TAFA1: variants seen among roughly 807,000 people sequenced by gnomAD.
TAFA1 encodes the protein TAFA chemokine like family member 1.
TAFA1 carries 4 observed loss-of-function variants against 18.5 expected under a neutral mutation model. The ratio of observed to expected loss-of-function variants is 0.22; its 90% CI spans 0.11 to 0.49. The LOEUF is 0.49. Among genes scored for constraint, TAFA1 ranks in the 20% least tolerant of loss-of-function variants. The pLI, the probability that TAFA1 is intolerant of heterozygous loss-of-function variation, is 0.98. For missense variants in TAFA1, 147 were observed against 169.0 expected (o/e 0.87, Z 0.72); for synonymous variants, 56 against 55.2 (o/e 1.01, Z -0.06).
intron 2 of TAFA1, among the ~76,000 whole-genome samples, chr3:68,275,964 C>A (rs2067788438): frequency 6.6e-6 from 1 of 152,188 alleles, no homozygotes; most frequent in South Asian, 2.1e-4. Context: ...CATGTCTTCC[C>A]ACTTATTTCT....
intron 2 of TAFA1, among the ~76,000 whole-genome samples, chr3:68,187,405 T>C (rs1241101537): frequency 6.6e-6 from 1 of 152,024 alleles, no homozygotes; most frequent in African/African-American, 2.4e-5. Flanking sequence ...GGTATGATTC[T>C]GTTTAACTCT....
chr3:68,145,617 C>T (rs2065729972), intron 2 of TAFA1: 2 of 1,448,288 alleles, frequency 1.4e-6, no homozygotes, highest in South Asian at 1.1e-5. Context: ...GATTATGTGG[C>T]TTTCCTTGAA....
chr3:68,381,264 G>A (rs2069946940), intron 2 of TAFA1, among the ~76,000 whole-genome samples: 1 of 151,296 alleles, frequency 6.6e-6, no homozygotes, highest in African/African-American at 2.4e-5. Context: ...CTCTTTTTTG[G>A]TTCCATATGA....
rs62249394 is a variant in TAFA1 at position 68,030,251 on chromosome 3, G to A, written c.118+23507G>A. ...GCTTTAAAAATTTTTCTTTTCACCA[G>A]CACACACTTGATGGATTTTTTTTTT... On this transcript the variant is annotated intron_variant, in intron 2 of 4. Coordinates refer to ENST00000478136, the MANE Select transcript of TAFA1 (RefSeq NM_213609.4). Among the ~76,000 whole-genome samples the A allele has an allele frequency of 7.9e-3, 1,194 of 151,942 alleles. 7 individuals carry two copies. Among genetic ancestry groups the A allele is most frequent in the Non-Finnish European group, 0.014 (921 of 67,964 alleles).
At chr3:68,508,597 A>C (rs970434331) in intron 3 of TAFA1, among the ~76,000 whole-genome samples, 1 of 152,090 alleles carries the variant, frequency 6.6e-6, no homozygotes, top group African/African-American at 2.4e-5. Flanking sequence ...CCTCTGTGCT[A>C]AAAACAATCC....
chr3:68,109,420 T>A (rs1456756062), intron 2 of TAFA1, among the ~76,000 whole-genome samples: 1 of 151,930 alleles, frequency 6.6e-6, no homozygotes. Flanking sequence ...TCAGGCATAC[T>A]TCTTTAAATT....
chr3:68,425,314 C>G (rs1045275558), intron 3 of TAFA1, among the ~76,000 whole-genome samples: 4 of 151,854 alleles, frequency 2.6e-5, no homozygotes, highest in Admixed American at 2.0e-4. Context: ...GGCTGTGGTT[C>G]CTTCATTACT....
chr3:68,060,483 G>A (rs746205666), intron 2 of TAFA1, among the ~76,000 whole-genome samples: 1 of 152,300 alleles, frequency 6.6e-6, no homozygotes, highest in East Asian at 1.9e-4. Context: ...TTACCTTGAC[G>A]GAGTGAAACT....
chr3:68,426,539 T>C (rs1281867674), intron 3 of TAFA1, among the ~76,000 whole-genome samples: 1 of 151,776 alleles, frequency 6.6e-6, no homozygotes, highest in Non-Finnish European at 1.5e-5. Flanking sequence ...CATGAAGAAA[T>C]GTAAATTAAA....
chr3:68,065,725 T>G lies in TAFA1; in HGVS notation c.118+58981T>G, dbSNP rs578148613. ...ATGTGTGTATACATAGATGTTTGTG[T>G]GTATGTGTGTGTGTGTATATATATA... On this transcript the variant is annotated intron_variant, in intron 2 of 4. Transcript: ENST00000478136. Among the ~76,000 whole-genome samples, 10 of 80,202 alleles carry G rather than the reference T, an allele frequency of 1.2e-4. No individual in the cohort carries two copies. The East Asian group carries it at 1.8e-3, about 15-fold the overall frequency. 52.6% of individuals were successfully genotyped at this position (80,202 alleles called of 152,430 possible).
At chr3:68,168,966 C>T (rs980932711) in intron 2 of TAFA1, among the ~76,000 whole-genome samples, 3 of 152,260 alleles carry the variant, frequency 2.0e-5, no homozygotes, top group East Asian at 3.9e-4. Context: ...GGAATGCATG[C>T]CATTTCCTCT....
intron 2 of TAFA1, among the ~76,000 whole-genome samples, chr3:68,120,199 T>TTC (rs1348157226): frequency 7.1e-5 from 6 of 84,088 alleles, no homozygotes; most frequent in Admixed American, 6.7e-4. Flanking sequence ...CTTTCTTTCT[T>TTC]TCTTTCTTTC....
At chr3:68,224,972 G>T (rs1353653208) in intron 2 of TAFA1, among the ~76,000 whole-genome samples, 2 of 133,506 alleles carry the variant, frequency 1.5e-5, no homozygotes, top group African/African-American at 5.7e-5. Flanking sequence ...ACAGTGGTGG[G>T]ATCTCAGCTC....
intron 2 of TAFA1, among the ~76,000 whole-genome samples, chr3:68,040,528 G>A (rs1355216773): frequency 6.6e-6 from 1 of 152,142 alleles, no homozygotes; most frequent in Non-Finnish European, 1.5e-5. Context: ...TAAAGAGAAT[G>A]TAATTTTTCC....
intron 2 of TAFA1, among the ~76,000 whole-genome samples, chr3:68,303,525 C>CT (rs1258669826): frequency 3.3e-5 from 5 of 152,106 alleles, no homozygotes. Flanking sequence ...ACTGCAAGCT[C>CT]TGCCTGCCAG....
intron 2 of TAFA1, among the ~76,000 whole-genome samples, chr3:68,229,330 T>C (rs1207643032): frequency 6.6e-6 from 1 of 152,208 alleles, no homozygotes; most frequent in Non-Finnish European, 1.5e-5. Context: ...CAAATCCTTA[T>C]ATGCTAGGTG....
chr3:68,190,112 G>T (rs2066319846), intron 2 of TAFA1, among the ~76,000 whole-genome samples: 1 of 151,898 alleles, frequency 6.6e-6, no homozygotes, highest in South Asian at 2.1e-4. Context: ...TCTCTTTCTT[G>T]AGTGGTATCA....
intron 2 of TAFA1, among the ~76,000 whole-genome samples, chr3:68,015,353 C>G (rs570141586): frequency 6.7e-6 from 1 of 149,548 alleles, no homozygotes; most frequent in African/African-American, 2.5e-5. Flanking sequence ...ATGGCATGCT[C>G]TCGGCTCACT....
chr3:68,204,365 G>A (rs796727625), intron 2 of TAFA1, among the ~76,000 whole-genome samples: 1 of 151,704 alleles, frequency 6.6e-6, no homozygotes, highest in African/African-American at 2.4e-5. Flanking sequence ...TCATGGGAAA[G>A]CCCCCCACTT....
Sources: allele counts gnomAD v4.1 joint callset (sites outside exome capture counted in the v4.1 genomes callset), GRCh38; gene constraint gnomAD v4.1.1; transcripts MANE v1.5; gene names NCBI Gene and HGNC (gene_info 2026-07-23, HGNC 2026-07-21).